The following LEMD1 variants were observed in gnomAD, a reference collection of about 807,000 sequenced individuals.
LEMD1 encodes LEM domain containing 1.
Under a neutral mutation model 17.4 loss-of-function variants are expected in LEMD1, and 18 were observed. That is an observed-to-expected ratio of 1.04 (90% CI 0.72 to 1.54). LEMD1 has a LOEUF of 1.54. LEMD1 is among the 40% of genes most tolerant of loss of function. The pLI is 0.00. For missense variants in LEMD1, 195 were observed against 210.4 expected (o/e 0.93, Z 0.45); for synonymous variants, 88 against 77.8 (o/e 1.13, Z -0.69).
intron 4 of LEMD1, among the ~76,000 whole-genome samples, chr1:205,396,382 A>T (rs1289283403): frequency 1.3e-5 from 2 of 152,186 alleles, no homozygotes; most frequent in Middle Eastern, 3.2e-3. Flanking sequence ...AATTTAATAT[A>T]ATCTCTTAAG....
At chr1:205,400,038 T>TGC (rs1558718178) in intron 4 of LEMD1, among the ~76,000 whole-genome samples, 5 of 152,294 alleles carry the variant, frequency 3.3e-5, no homozygotes, top group African/African-American at 1.2e-4. Flanking sequence ...TGCTGTTCAA[T>TGC]TACAAAGGCA....
intron 4 of LEMD1, among the ~76,000 whole-genome samples, chr1:205,405,216 G>A (rs1014893190): frequency 8.0e-5 from 12 of 150,652 alleles, no homozygotes; most frequent in African/African-American, 2.0e-4. Flanking sequence ...TCTTTGTGGC[G>A]TTCTCTGTAT....
At chr1:205,411,504 C>T (rs1260706537) in intron 4 of LEMD1, among the ~76,000 whole-genome samples, 1 of 140,812 alleles carries the variant, frequency 7.1e-6, no homozygotes. Flanking sequence ...TGCAGTGAGC[C>T]AAGATTGTGC....
At chr1:205,413,633 A>G (rs1271245431) in intron 4 of LEMD1, among the ~76,000 whole-genome samples, 1 of 64,910 alleles carries the variant, frequency 1.5e-5, no homozygotes, top group Non-Finnish European at 2.9e-5. Context: ...AGGTGTTGCT[A>G]TGTTGCCCAG....
At chr1:205,410,974 A>C (rs1243964860) in intron 4 of LEMD1, among the ~76,000 whole-genome samples, 2 of 150,642 alleles carry the variant, frequency 1.3e-5, no homozygotes, top group Non-Finnish European at 3.0e-5. Context: ...AGAAAGAAGG[A>C]AAGAAAGGAA....
intron 1 of LEMD1, among the ~76,000 whole-genome samples, chr1:205,421,447 A>T (rs892629134): frequency 6.6e-6 from 1 of 152,242 alleles, no homozygotes; most frequent in Non-Finnish European, 1.5e-5. Context: ...ATTATTCAGC[A>T]TAGGAGGATC....
upstream of LEMD1, among the ~76,000 whole-genome samples, chr1:205,425,667 CAG>C (rs1434970592): frequency 6.6e-6 from 1 of 152,138 alleles, no homozygotes; most frequent in East Asian, 1.9e-4. Context: ...GAAGAGTAAA[CAG>C]AGCCTTTACT....
intron 4 of LEMD1, among the ~76,000 whole-genome samples, chr1:205,400,851 C>CCG (rs1553393680): frequency 2.5e-5 from 3 of 118,468 alleles, no homozygotes; most frequent in East Asian, 4.0e-4. Context: ...CCTCCCCCCC[C>CCG]CCACCCCACA....
chr1:205,446,239 A>G (rs1666386259), intron 1 of LEMD1, among the ~76,000 whole-genome samples: 1 of 152,236 alleles, frequency 6.6e-6, no homozygotes, highest in African/African-American at 2.4e-5. Context: ...GCCAAGAGAC[A>G]AAGAATAGAA....
chr1:205,422,294 C>T (rs1665986794), upstream of LEMD1, among the ~76,000 whole-genome samples: 1 of 152,148 alleles, frequency 6.6e-6, no homozygotes, highest in South Asian at 2.1e-4. Flanking sequence ...GGAGCTGCTA[C>T]CAAACCAAAT....
In LEMD1 at chr1:205,381,844, T is replaced by G; in HGVS notation, c.360A>C (p.Arg120Ser). 2 of 1,614,148 alleles carry G rather than the reference T, an allele frequency of 1.2e-6. No homozygotes were observed. The highest frequency in any genetic ancestry group is 3.3e-5 in the Admixed American group (2 of 60,004). The change falls in exon 6 of 6, where the codon AGA becomes AGC. Residue 120 changes from arginine to serine, a missense_variant. Transcript: ENST00000367153. ...KPSKGRRWAARAPSTRITYGT... is the reference protein window; with the variant it reads ...KPSKGRRWAASAPSTRITYGT... ...CATATGTGATTCTGGTGCTTGGTGCTCTTGCAGCCCACCTGTGAAAACATC... is the reference window on the plus strand; with the variant it reads ...CATATGTGATTCTGGTGCTTGGTGCGCTTGCAGCCCACCTGTGAAAACATC...
chr1:205,410,137 G>C, intron 4 of LEMD1, among the ~76,000 whole-genome samples: 1 of 151,258 alleles, frequency 6.6e-6, no homozygotes, highest in Non-Finnish European at 1.5e-5. Context: ...GCCCAAACTG[G>C]TCTTGCACTC....
At chr1:205,410,943 G>A (rs4951217) in intron 4 of LEMD1, among the ~76,000 whole-genome samples, 101,710 of 148,946 alleles carry the variant, frequency 0.68, 35,036 homozygotes, top group East Asian at 0.87. Context: ...AAGAAAGGAA[G>A]GGAAAGGAAG....
At chr1:205,433,440 G>A (rs1196765588) in intron 1 of LEMD1, among the ~76,000 whole-genome samples, 2 of 152,202 alleles carry the variant, frequency 1.3e-5, no homozygotes, top group East Asian at 3.9e-4. Context: ...CTGGGCAACA[G>A]AGCGAGACTC....
At chr1:205,411,653 G>GGAAAGAAAGAAA (rs71147742) in intron 4 of LEMD1, among the ~76,000 whole-genome samples, 22 of 138,542 alleles carry the variant, frequency 1.6e-4, no homozygotes, top group Non-Finnish European at 2.6e-4. Flanking sequence ...GAGAAAGAAA[G>GGAAAGAAAGAAA]GAAAGAAAGA....
intron 4 of LEMD1, among the ~76,000 whole-genome samples, chr1:205,409,706 T>C (rs1408830009): frequency 4.6e-5 from 7 of 151,426 alleles, no homozygotes; most frequent in South Asian, 4.3e-4. Context: ...GCTCAAGCAA[T>C]CCTCCTGCCT....
chr1:205,437,764 G>A (rs1558742562), intron 1 of LEMD1: 1 of 152,172 alleles, frequency 6.6e-6, no homozygotes, highest in Non-Finnish European at 1.5e-5. Flanking sequence ...TTATAGTTGA[G>A]GAACCTGAGT....
At chr1:205,401,996 AAAG>A in intron 4 of LEMD1, among the ~76,000 whole-genome samples, 1 of 152,244 alleles carries the variant, frequency 6.6e-6, no homozygotes. Flanking sequence ...CAGGTTTGTC[AAAG>A]ATCAGATAGT....
chr1:205,440,111 A>G (rs1666268779), intron 1 of LEMD1, among the ~76,000 whole-genome samples: 1 of 152,098 alleles, frequency 6.6e-6, no homozygotes, highest in Non-Finnish European at 1.5e-5. Context: ...GAATCAAGGG[A>G]GGGCACGGCT....
Sources: allele counts gnomAD v4.1 joint callset (sites outside exome capture counted in the v4.1 genomes callset), GRCh38; gene constraint gnomAD v4.1.1; transcripts MANE v1.5; gene names NCBI Gene and HGNC (gene_info 2026-07-23, HGNC 2026-07-21).